The following BNIP2 variants were observed in gnomAD, a reference collection of about 807,000 sequenced individuals.
BNIP2 encodes the protein BCL2 interacting protein 2.
In BNIP2, 36 loss-of-function variants were observed where a neutral mutation model predicts 43.4. The observed-to-expected ratio is 0.83, with a 90% CI of 0.64 to 1.10. The LOEUF (loss-of-function observed/expected upper bound fraction) is 1.10. Ranked by LOEUF, BNIP2 falls within the 50% of genes least tolerant of loss-of-function variation. BNIP2 has a pLI of 0.00. For missense variants in BNIP2, 417 were observed against 374.1 expected, an observed-to-expected ratio of 1.11 and a Z score of -0.95; for synonymous variants, 146 against 121.0, an observed-to-expected ratio of 1.21 and a Z score of -1.35.
At chr15:59,688,482 C>G in intron 1 of BNIP2, 1 of 448,008 alleles carries the variant, frequency 2.2e-6, no homozygotes, top group Non-Finnish European at 4.0e-6. Context: ...TGATGCAACA[C>G]CGGAAAAGCT....
In BNIP2 at chr15:59,662,237, C is replaced by T. The variant is rs972706152; in HGVS notation, c.*1832G>A. ...GTACAGATGAAAGACTACGTTAAAT[C>T]GTCTACAAATATAGAATCTAATGAC... is the stretch of plus-strand genomic sequence containing the variant. On this transcript the variant is annotated 3_prime_UTR_variant, in exon 10 of 10. Transcript: ENST00000607373. 72 of 152,286 alleles carry T rather than the reference C, an allele frequency of 4.7e-4. No homozygotes were observed. The highest frequency in any genetic ancestry group is 1.5e-3 in the African/African-American group (61 of 41,568). The allele number at this position is 152,286 out of a possible 1,614,324, so 9.4% of individuals were successfully genotyped here. A position where few individuals can be genotyped will look rare whatever the true frequency, so the allele number is the denominator to read the frequency against.
At position 59,689,244 on chromosome 15, in the gene BNIP2, T is replaced by C; in HGVS notation, c.-167A>G. The C allele has an allele frequency of 1.3e-6, 2 of 1,542,780 alleles. No homozygotes were observed. The highest frequency in any genetic ancestry group is 1.7e-6 in the Non-Finnish European group (2 of 1,146,162). ...GCCGAGCGGAGCCCGCTCCCCTCGGTCGGCGGTGGAGACCCCGGCCCAATC... is the reference window on the plus strand; with the variant it reads ...GCCGAGCGGAGCCCGCTCCCCTCGGCCGGCGGTGGAGACCCCGGCCCAATC... On this transcript the variant is annotated 5_prime_UTR_variant, in exon 1 of 10. Transcript: ENST00000607373.
intron 7 of BNIP2, among the ~76,000 whole-genome samples, chr15:59,670,454 TAA>T (rs2141994618): frequency 6.6e-6 from 1 of 151,900 alleles, no homozygotes; most frequent in South Asian, 2.1e-4. Flanking sequence ...AACAAAAACA[TAA>T]AACATGCTAA....
intron 9 of BNIP2, among the ~76,000 whole-genome samples, chr15:59,668,333 A>G (rs1372822811): frequency 6.6e-6 from 1 of 152,352 alleles, no homozygotes; most frequent in Middle Eastern, 3.4e-3. Context: ...TCAGGTGAGC[A>G]GAACAAAGAA....
At chr15:59,676,839 A>C (rs1458156866) in intron 5 of BNIP2, 1 of 1,560,798 alleles carries the variant, frequency 6.4e-7, no homozygotes, top group Non-Finnish European at 8.7e-7. Context: ...TCCTGCCGGG[A>C]ATTCTGCCTC....
intron 7 of BNIP2, among the ~76,000 whole-genome samples, chr15:59,670,811 C>A (rs965082222): frequency 2.6e-5 from 4 of 152,020 alleles, no homozygotes; most frequent in Non-Finnish European, 5.9e-5. Context: ...CGGTGGCTCA[C>A]GCCTGTAATC....
chr15:59,679,343 A>ATC, intron 4 of BNIP2: 1 of 333,370 alleles, frequency 3.0e-6, no homozygotes, highest in Non-Finnish European at 5.4e-6. Flanking sequence ...AAAAAAGAGC[A>ATC]TGCCATAATT....
rs1892351556 is a variant in BNIP2, at chr15:59,662,879, A to C, written c.*1190T>G. On this transcript the variant is annotated 3_prime_UTR_variant, in exon 10 of 10. Coordinates refer to ENST00000607373, the MANE Select transcript of BNIP2 (RefSeq NM_004330.4). ...ACTTTTTGTTTGGAGGCACAAACACAATTTATTTCAATGTAAAGGTACTAC... is the reference window on the plus strand; with the variant it reads ...ACTTTTTGTTTGGAGGCACAAACACCATTTATTTCAATGTAAAGGTACTAC... 1 of 152,240 alleles carries C rather than the reference A, an allele frequency of 6.6e-6. No individual in the cohort carries two copies. The highest frequency in any genetic ancestry group is 2.1e-4 in the South Asian group (1 of 4,836). The allele number at this position is 152,240 out of a possible 1,614,324, so 9.4% of individuals were successfully genotyped here.
chr15:59,686,483 G>A (rs1894021106), intron 1 of BNIP2, among the ~76,000 whole-genome samples: 1 of 152,134 alleles, frequency 6.6e-6, no homozygotes, highest in Non-Finnish European at 1.5e-5. Context: ...TGCAATAGGT[G>A]CCAGTAATGA....
chr15:59,666,088 T>G (rs1159015559), intron 9 of BNIP2, among the ~76,000 whole-genome samples: 1 of 30,804 alleles, frequency 3.2e-5, no homozygotes, highest in Non-Finnish European at 9.8e-5. Flanking sequence ...TTTAACAATC[T>G]GTATCTGCAT....
At chr15:59,687,694 C>T (rs1595711658) in intron 1 of BNIP2, among the ~76,000 whole-genome samples, 3 of 152,180 alleles carry the variant, frequency 2.0e-5, no homozygotes, top group Admixed American at 6.6e-5. Flanking sequence ...GTTACATATA[C>T]TTTCTCTGAC....
Position 59,679,681 on chromosome 15 carries a change from A to C in BNIP2, c.206T>G (p.Val69Gly). The C allele has an allele frequency of 2.5e-6, 4 of 1,612,156 alleles. No homozygotes were observed. Among genetic ancestry groups the C allele is most frequent in the Non-Finnish European group, 3.4e-6 (4 of 1,179,194 alleles). ...SLTLDPSDGS[V>G]LSDDLDESGE... is the part of the protein sequence containing the mutation. ...ACTTTCATCCAAATCATCTGACAAT[A>C]CAGAGCCATCACTAGGATCCAGTGT... Residue 69 changes from valine to glycine, a missense_variant, in exon 4 of 10, where the codon GTA (valine) becomes GGA (glycine). Val to Gly is a moderately radical substitution (Grantham distance 109). Coordinates refer to ENST00000607373, the MANE Select transcript of BNIP2 (RefSeq NM_004330.4).
intron 7 of BNIP2, among the ~76,000 whole-genome samples, chr15:59,670,325 GGA>G (rs1203315232): frequency 6.6e-6 from 1 of 152,160 alleles, no homozygotes; most frequent in Non-Finnish European, 1.5e-5. Flanking sequence ...CAGCTACCTG[GGA>G]GGCTGAGGTG....
chr15:59,668,987 C>T lies in BNIP2; in HGVS notation c.798G>A (p.Ser266=), dbSNP rs934047531. The T allele has an allele frequency of 6.8e-6, 11 of 1,611,738 alleles. No homozygotes were observed. The highest frequency in any genetic ancestry group is 4.0e-5 in the African/African-American group (3 of 74,796). Residue 266 remains serine, a synonymous_variant, in exon 9 of 10, where the codon TCG becomes TCA. Transcript: ENST00000607373. ...LLAVTRPFIS[S]KFSQKIRYVF... ...CGTATCTAATTTTTTGGCTGAATTT[C>T]GAGCTATGGAAGAAAATAAAAATAA... is the stretch of plus-strand genomic sequence containing the variant.
intron 5 of BNIP2, among the ~76,000 whole-genome samples, chr15:59,673,197 C>A (rs1893045484): frequency 6.7e-6 from 1 of 150,314 alleles, no homozygotes. Flanking sequence ...CGGCTCACTG[C>A]AACCTCCGCC....
At chr15:59,674,343 T>A (rs1284787282) in intron 5 of BNIP2, among the ~76,000 whole-genome samples, 3 of 152,118 alleles carry the variant, frequency 2.0e-5, no homozygotes, top group African/African-American at 4.8e-5. Flanking sequence ...TCACAAAATA[T>A]ATTAAGTGTG....
intron 5 of BNIP2, among the ~76,000 whole-genome samples, chr15:59,672,991 A>G (rs923053025): frequency 6.6e-6 from 1 of 152,226 alleles, no homozygotes; most frequent in Non-Finnish European, 1.5e-5. Context: ...TTAAATTCGC[A>G]TATTTAAAAA....
rs1208150285 is a variant in BNIP2 at position 59,672,650 on chromosome 15, C to T, written c.562G>A (p.Asp188Asn). ...ATATATACTTACTTAAAAAGATTGT[C>T]CATCAGGTATCTATAGTTAGGCTGA... Reference protein sequence around the residue: ...SSQPNYRYLMDNLFKYVIGTL... With the variant: ...SSQPNYRYLMNNLFKYVIGTL... Residue 188 changes from aspartate (D) to asparagine (N), a missense_variant, in exon 6 of 10, where the codon GAC becomes AAC. Transcript: ENST00000607373. 1 of 1,612,012 alleles carries T rather than the reference C, an allele frequency of 6.2e-7. No individual in the cohort carries two copies. Among genetic ancestry groups the T allele is most frequent in the East Asian group, 2.2e-5 (1 of 44,798 alleles).
rs921408352 is a variant in BNIP2 at position 59,664,140 on chromosome 15, T to C, written c.894-20A>G. 1.5e-5 allele frequency: 22 copies of C among 1,468,552 alleles called. No homozygotes were observed. The highest frequency in any genetic ancestry group is 2.2e-5 in the Admixed American group (1 of 44,888). The allele number at this position is 1,468,552 out of a possible 1,614,324, so 91.0% of individuals were successfully genotyped here. A position where few individuals can be genotyped will look rare whatever the true frequency, so the allele number is the denominator to read the frequency against. ...TCAACTCTGTTTAATGAAGAATATA[T>C]AAAATAAGAAACCAGCAACTGAACA... On this transcript the variant is annotated intron_variant, in intron 9 of 9. Coordinates refer to ENST00000607373, the MANE Select transcript of BNIP2 (RefSeq NM_004330.4).
Sources: gnomAD v4.1 joint callset for allele counts (sites outside exome capture counted in the v4.1 genomes callset) on GRCh38, gnomAD v4.1.1 for gene constraint, MANE v1.5 for transcripts, NCBI Gene and HGNC (gene_info 2026-07-23, HGNC 2026-07-21) for gene names.